MUC13: variants seen among roughly 807,000 people sequenced by gnomAD.
MUC13 encodes the protein mucin-13.
MUC13 carries 32 observed loss-of-function variants against 48.3 expected under a neutral mutation model. The observed-to-expected ratio is 0.66, with a 90% CI of 0.50 to 0.89. The LOEUF (loss-of-function observed/expected upper bound fraction) is 0.89. Among genes scored for constraint, MUC13 ranks in the 40% least tolerant of loss-of-function variants. The pLI is 0.00. For missense variants in MUC13, 571 were observed against 622.8 expected, an observed-to-expected ratio of 0.92 and a Z score of 0.88; for synonymous variants, 199 against 224.9, an observed-to-expected ratio of 0.88 and a Z score of 1.03.
chr3:124,919,030 C>T (rs1579366295), intron 5 of MUC13, among the ~76,000 whole-genome samples: 1 of 152,098 alleles, frequency 6.6e-6, no homozygotes, highest in East Asian at 1.9e-4. Context: ...CTTATTCCAC[C>T]AAAGATTTTT....
At chr3:124,918,591 A>T (rs1935543807) in intron 5 of MUC13, among the ~76,000 whole-genome samples, 2 of 152,324 alleles carry the variant, frequency 1.3e-5, no homozygotes, top group South Asian at 4.1e-4. Flanking sequence ...GCTCCAGGGA[A>T]GTTGATCAGA....
chr3:124,920,093 A>T, intron 5 of MUC13, 141 bp downstream of exon 5: 3 of 759,354 alleles, frequency 4.0e-6, no homozygotes, highest in South Asian at 1.6e-5. Context: ...TCCCCTTTGC[A>T]GTGCTCAGAC....
chr3:124,929,180 AT>A (rs1157656889), intron 1 of MUC13, among the ~76,000 whole-genome samples: 52 of 118,864 alleles, frequency 4.4e-4, no homozygotes, highest in East Asian at 1.3e-3. Flanking sequence ...CTTTTATTTT[AT>A]TTTTTTTTTT....
At chr3:124,917,626 A>G (rs186573218) in intron 5 of MUC13, among the ~76,000 whole-genome samples, 184 of 152,226 alleles carry the variant, frequency 1.2e-3, no homozygotes, top group Middle Eastern at 3.4e-3. Context: ...AATCCAAAAC[A>G]TGAATCAAAT....
In MUC13 at chr3:124,912,143, T is replaced by C; in HGVS notation, c.1215-2A>G. On this transcript the variant is annotated splice_acceptor_variant, in intron 8 of 11. Coordinates refer to ENST00000616727, the MANE Select transcript of MUC13 (RefSeq NM_033049.4). LOFTEE classifies it high-confidence loss of function. ...AGTCCACTGTAGCCAAATGCACACC[T>C]GAAATACAGTGAGCAATAGGAAACA... 2 of 1,612,538 alleles carry C rather than the reference T, an allele frequency of 1.2e-6. No homozygotes were observed. Among genetic ancestry groups the C allele is most frequent in the South Asian group, 2.2e-5 (2 of 90,588 alleles).
intron 9 of MUC13, among the ~76,000 whole-genome samples, chr3:124,911,288 C>T (rs1360095179): frequency 2.6e-5 from 4 of 152,310 alleles, no homozygotes; most frequent in African/African-American, 4.8e-5. Flanking sequence ...TCTCTTTCTG[C>T]TATATGGCTT....
At chr3:124,910,641 G>A (rs1935404812) in intron 9 of MUC13, 142 bp from the exon 10 acceptor site, 1 of 1,340,448 alleles carries the variant, frequency 7.5e-7, no homozygotes, top group Non-Finnish European at 1.0e-6. Flanking sequence ...AGGTTGGGTA[G>A]TTGGCCTATT....
intron 1 of MUC13, among the ~76,000 whole-genome samples, chr3:124,928,647 G>T (rs1935737047): frequency 6.6e-6 from 1 of 152,214 alleles, no homozygotes; most frequent in Non-Finnish European, 1.5e-5. Flanking sequence ...CTCCCAAAGT[G>T]CTGGGATTGC....
intron 10 of MUC13, 57 bp downstream of exon 10, chr3:124,910,358 A>G: frequency 1.3e-6 from 2 of 1,576,130 alleles, no homozygotes; most frequent in Non-Finnish European, 1.7e-6. Context: ...ACATAGTGAG[A>G]CCCCCCCATC....
At position 124,908,158 on chromosome 3, in the gene MUC13, G is replaced by C. The variant is rs1391260431; in HGVS notation, c.1528C>G (p.Pro510Ala). ...PYSRHSSMPR[P>A]DY The stretch of plus-strand genomic sequence containing the variant: ...GCCCACTGACTCACCTAATAGTCAG[G>C]GCGGGGCATGCTGCTGTGTCTTGAA... The change falls in exon 11 of 12, where the codon CCT (proline) becomes GCT (alanine). Residue 510 changes from proline to alanine, a missense_variant. Coordinates refer to ENST00000616727, the MANE Select transcript of MUC13 (RefSeq NM_033049.4). The C allele has an allele frequency of 3.7e-6, 6 of 1,613,962 alleles. No homozygotes were observed. In the African/African-American group the frequency reaches 5.3e-5, roughly 14 times the overall value.
chr3:124,924,073 T>C (rs771194027), intron 2 of MUC13, among the ~76,000 whole-genome samples: 3 of 152,154 alleles, frequency 2.0e-5, no homozygotes, highest in Non-Finnish European at 4.4e-5. Context: ...AATTGTCATA[T>C]AGGAAGAAAC....
rs1400350989 is a variant in MUC13 at position 124,934,548 on chromosome 3, T to C, written c.52+113A>G. ...GCTGAGCTGGAGAGGAAACTTCATT[T>C]ATAAAATAGACCATGTGCTGGGCTG... On this transcript the variant is annotated intron_variant, in intron 1 of 11. Coordinates refer to ENST00000616727, the MANE Select transcript of MUC13 (RefSeq NM_033049.4). 4.1e-6 allele frequency: 3 copies of C among 740,248 alleles called. No homozygotes were observed. In the African/African-American group the frequency reaches 5.2e-5, roughly 13 times the overall value. The allele number at this position is 740,248 out of a possible 1,614,324, so 45.9% of individuals were successfully genotyped here.
At position 124,909,514 on chromosome 3, in the gene MUC13, GTGTA is replaced by G. The variant is rs1173199569; in HGVS notation, c.1337+897_1337+900del. Among the ~76,000 whole-genome samples the G allele has an allele frequency of 2.7e-5, 4 of 145,658 alleles. No individual in the cohort carries two copies. In the East Asian group the frequency reaches 1.0e-3, roughly 38 times the overall value. Reference sequence around the variant, plus strand: ...TGTGTGTGTGTGTGTGTGTGTGTGTGTGTATGTGAGACAGGGTCTTGCTCTGTCA... The same window carrying G: ...TGTGTGTGTGTGTGTGTGTGTGTGTGTGTGAGACAGGGTCTTGCTCTGTCA... On this transcript the variant is annotated intron_variant, in intron 10 of 11. Coordinates refer to ENST00000616727, the MANE Select transcript of MUC13 (RefSeq NM_033049.4).
At chr3:124,921,566 T>G (rs1016663959) in intron 4 of MUC13, among the ~76,000 whole-genome samples, 5 of 152,244 alleles carry the variant, frequency 3.3e-5, no homozygotes, top group African/African-American at 1.2e-4. Flanking sequence ...CATCTGTGGC[T>G]GCAGAATGGA....
chr3:124,915,592 C>A (rs991842714), intron 6 of MUC13, among the ~76,000 whole-genome samples: 2 of 152,194 alleles, frequency 1.3e-5, no homozygotes, highest in Non-Finnish European at 2.9e-5. Context: ...TCTAGGGTTG[C>A]AGTAAATAAA....
At chr3:124,922,351 C>G (rs1418977761) in intron 3 of MUC13, 48 bp from the exon 4 acceptor site, 2 of 1,583,596 alleles carry the variant, frequency 1.3e-6, no homozygotes, top group Non-Finnish European at 1.7e-6. Context: ...AAAAGAGGGT[C>G]ATTTCCATTT....
At chr3:124,931,258 C>T (rs1935790329) in intron 1 of MUC13, among the ~76,000 whole-genome samples, 1 of 151,698 alleles carries the variant, frequency 6.6e-6, no homozygotes, top group African/African-American at 2.4e-5. Context: ...TGATGAAACC[C>T]TGTCTCTACT....
intron 2 of MUC13, among the ~76,000 whole-genome samples, chr3:124,923,896 C>A (rs1657722728): frequency 6.6e-6 from 1 of 152,100 alleles, no homozygotes; most frequent in Non-Finnish European, 1.5e-5. Context: ...GATTAGTGTA[C>A]AAGGGCTTGC....
chr3:124,912,168 A>T (rs765690278), intron 8 of MUC13, 27 bp from the exon 9 acceptor site: 1 of 1,610,200 alleles, frequency 6.2e-7, no homozygotes. Flanking sequence ...AATAGGAAAC[A>T]GTGTTAAAGA....
Sources: gnomAD v4.1 joint callset for allele counts (sites outside exome capture counted in the v4.1 genomes callset) on GRCh38, gnomAD v4.1.1 for gene constraint, MANE v1.5 for transcripts, NCBI Gene and HGNC (gene_info 2026-07-23, HGNC 2026-07-21) for gene names.